Variants in TENM4 observed in about 807,000 individuals in gnomAD.
The protein encoded by TENM4 is teneurin-4.
In TENM4, 82 loss-of-function variants were observed where a neutral mutation model predicts 243.3. The ratio of observed to expected loss-of-function variants is 0.34; its 90% CI spans 0.28 to 0.40. The LOEUF (loss-of-function observed/expected upper bound fraction) is 0.40. TENM4 is among the 10% of genes least tolerant of loss of function. The probability of loss-of-function intolerance (pLI) is 1.00; values close to 1 mark genes in which losing one functional copy is unlikely to be tolerated. For missense variants in TENM4, 3,138 were observed against 3,673.3 expected (o/e 0.85, Z 3.77); for synonymous variants, 1,412 against 1,456.3 (o/e 0.97, Z 0.69).
At chr11:79,320,457 T>A (rs1460132166) in intron 1 of TENM4, among the ~76,000 whole-genome samples, 1 of 152,200 alleles carries the variant, frequency 6.6e-6, no homozygotes, top group East Asian at 1.9e-4. Flanking sequence ...ATTTTTTACA[T>A]AAATGATGTG....
At chr11:78,778,794 AGAG>A (rs1482245573) in intron 16 of TENM4, among the ~76,000 whole-genome samples, 166 bp from the exon 17 acceptor site, 2 of 152,222 alleles carry the variant, frequency 1.3e-5, no homozygotes, top group African/African-American at 2.4e-5. Context: ...ATGACATGAG[AGAG>A]GAGAAGGGAG....
Position 79,151,205 on chromosome 11 carries a change from G to C in TENM4, c.-162-2399C>G, listed in dbSNP as rs1591317417. ...CCATACTGTGTGCTGAGAAAATTCT[G>C]TTTATTGTTTAAAGCTCAGCTCTTC... On this transcript the variant is annotated intron_variant, in intron 3 of 33. Coordinates refer to ENST00000278550, the MANE Select transcript of TENM4 (RefSeq NM_001098816.3). Among the ~76,000 whole-genome samples, 12 of 152,258 alleles carry C rather than the reference G, an allele frequency of 7.9e-5. 1 individual carries two copies. The South Asian group carries it at 2.5e-3, about 32-fold the overall frequency.
chr11:79,387,856 T>C (rs372888445), intron 1 of TENM4, among the ~76,000 whole-genome samples: 4 of 152,022 alleles, frequency 2.6e-5, no homozygotes, highest in East Asian at 3.9e-4. Context: ...AATACAAAAA[T>C]TAGCCAGGTG....
chr11:79,074,860 T>C (rs897932518), intron 4 of TENM4, among the ~76,000 whole-genome samples: 1 of 152,168 alleles, frequency 6.6e-6, no homozygotes, highest in African/African-American at 2.4e-5. Flanking sequence ...TCTGCTAACA[T>C]CTTCCCCTAC....
At chr11:78,874,957 T>C (rs1404563358) in intron 9 of TENM4, among the ~76,000 whole-genome samples, 12 of 152,208 alleles carry the variant, frequency 7.9e-5, no homozygotes, top group Non-Finnish European at 1.5e-5. Flanking sequence ...CAAAGTGACA[T>C]GTTACGCCAG....
chr11:79,421,968 T>C (rs1858942020), intron 1 of TENM4, among the ~76,000 whole-genome samples: 1 of 152,036 alleles, frequency 6.6e-6, no homozygotes, highest in Admixed American at 6.6e-5. Context: ...GGCTAGACTG[T>C]GAGGGAAGGG....
chr11:79,224,911 A>G (rs1222937041), intron 2 of TENM4, among the ~76,000 whole-genome samples: 1 of 151,148 alleles, frequency 6.6e-6, no homozygotes, highest in Non-Finnish European at 1.5e-5. Context: ...AGATTGTGCC[A>G]TTGCACTCCA....
intron 28 of TENM4, among the ~76,000 whole-genome samples, chr11:78,700,191 C>T (rs895966167): frequency 2.6e-5 from 4 of 152,172 alleles, no homozygotes; most frequent in South Asian, 2.1e-4. Flanking sequence ...GAGTCAGGTT[C>T]ATTTGGAATT....
chr11:79,333,932 C>A (rs1431668578), intron 1 of TENM4, among the ~76,000 whole-genome samples: 2 of 152,174 alleles, frequency 1.3e-5, no homozygotes, highest in East Asian at 1.9e-4. Flanking sequence ...ACACTTGTAC[C>A]TGTTCAATTT....
At chr11:79,213,036 C>G (rs1458255572) in intron 3 of TENM4, among the ~76,000 whole-genome samples, 1 of 152,104 alleles carries the variant, frequency 6.6e-6, no homozygotes, top group Non-Finnish European at 1.5e-5. Flanking sequence ...ATTCTTGCCT[C>G]CAGGAAATCC....
chr11:79,407,304 T>C (rs1858594061), intron 1 of TENM4, among the ~76,000 whole-genome samples: 1 of 152,230 alleles, frequency 6.6e-6, no homozygotes, highest in South Asian at 2.1e-4. Context: ...CTGGACGTCT[T>C]AATGAGGGAT....
At chr11:79,347,080 C>T (rs537752729) in intron 1 of TENM4, among the ~76,000 whole-genome samples, 1 of 152,322 alleles carries the variant, frequency 6.6e-6, no homozygotes, top group African/African-American at 2.4e-5. Context: ...TACTTAGAAA[C>T]TGTTCTTTCG....
intron 4 of TENM4, among the ~76,000 whole-genome samples, chr11:79,105,653 C>T (rs1447792955): frequency 6.6e-6 from 1 of 152,206 alleles, no homozygotes; most frequent in African/African-American, 2.4e-5. Flanking sequence ...ATGAGGCAGG[C>T]TGGTCAGTGC....
intron 15 of TENM4, among the ~76,000 whole-genome samples, chr11:78,800,407 T>C (rs562505673): frequency 2.6e-5 from 4 of 152,084 alleles, no homozygotes; most frequent in East Asian, 1.9e-4. Context: ...ATGATCTAGG[T>C]CTGGGAAGTG....
At chr11:78,795,016 G>A (rs750832664) in intron 15 of TENM4, among the ~76,000 whole-genome samples, 4 of 152,168 alleles carry the variant, frequency 2.6e-5, no homozygotes, top group Admixed American at 6.5e-5. Flanking sequence ...GATGGTGGTC[G>A]CTGCGCTCTT....
chr11:78,911,395 C>T (rs1856182087), intron 6 of TENM4, among the ~76,000 whole-genome samples: 1 of 152,206 alleles, frequency 6.6e-6, no homozygotes, highest in Non-Finnish European at 1.5e-5. Context: ...TCCCAGGAGG[C>T]TGACTCCTAA....
intron 1 of TENM4, among the ~76,000 whole-genome samples, chr11:79,354,285 C>A (rs541754880): frequency 1.9e-4 from 29 of 152,312 alleles, no homozygotes; most frequent in African/African-American, 6.7e-4. Context: ...GCAGAGCTGG[C>A]TGATGAACCC....
intron 15 of TENM4, among the ~76,000 whole-genome samples, chr11:78,804,745 G>A (rs1857353741): frequency 1.3e-5 from 2 of 152,114 alleles, no homozygotes; most frequent in Non-Finnish European, 1.5e-5. Context: ...TGAGTCCTGG[G>A]GCTGCAGAGG....
intron 12 of TENM4, among the ~76,000 whole-genome samples, chr11:78,823,988 T>C (rs1042749736): frequency 8.5e-5 from 13 of 152,146 alleles, no homozygotes; most frequent in African/African-American, 3.1e-4. Flanking sequence ...ATTTCGTAGA[T>C]GAGAACATGA....
Sources: allele counts gnomAD v4.1 joint callset (sites outside exome capture counted in the v4.1 genomes callset), GRCh38; gene constraint gnomAD v4.1.1; transcripts MANE v1.5; gene names NCBI Gene and HGNC (gene_info 2026-07-23, HGNC 2026-07-21).